Variants in RADIL observed in about 807,000 individuals in gnomAD.
RADIL encodes the protein ras-associating and dilute domain-containing protein.
Under a neutral mutation model 97.6 loss-of-function variants are expected in RADIL, and 99 were observed. The ratio of observed to expected loss-of-function variants is 1.01; its 90% confidence interval spans 0.86 to 1.20. RADIL has a LOEUF of 1.20. RADIL is among the 50% of genes most tolerant of loss of function. The probability of loss-of-function intolerance (pLI) is 0.00; values close to 1 mark genes in which losing one functional copy is unlikely to be tolerated. For synonymous variants in RADIL, 803 were observed against 691.8 expected (o/e 1.16, Z -2.52); for missense variants, 1,765 against 1,498.9 (o/e 1.18, Z -2.93).
Position 4,878,171 on chromosome 7 carries a change from G to A in RADIL, c.-32C>T. 1 of 1,494,992 alleles carries A rather than the reference G, an allele frequency of 6.7e-7. No individual in the cohort carries two copies. The highest frequency in any genetic ancestry group is 2.5e-5 in the East Asian group (1 of 40,684). 92.6% of individuals were successfully genotyped at this position (1,494,992 alleles called of 1,614,324 possible). A position where few individuals can be genotyped will look rare whatever the true frequency, so the allele number is the denominator to read the frequency against. The stretch of plus-strand genomic sequence containing the variant: ...TGAGGCTTCATGGATGAGGACTGTG[G>A]GCTTCAGCCAAAGGATGTGGGGAGG... On this transcript the variant is annotated 5_prime_UTR_variant, in exon 2 of 15. Coordinates refer to ENST00000399583, the MANE Select transcript of RADIL (RefSeq NM_018059.5). This position sits in a 1 kb window ranked among gnomAD's most constrained non-coding sequence, Gnocchi z 4.1.
rs1351663577 is a variant in RADIL at position 4,818,854 on chromosome 7, G to C, written c.1616-1503C>G. 2.6e-5 allele frequency among the ~76,000 whole-genome samples: 4 copies of C among 152,118 alleles called. No homozygotes were observed. The highest frequency in any genetic ancestry group is 5.9e-5 in the Non-Finnish European group (4 of 68,022). ...ATGACAGGAGAAGGTGGCAGGGACT[G>C]TGCTGAATGAAACCACAAAGCAGCC... On this transcript the variant is annotated intron_variant, in intron 6 of 14. Transcript: ENST00000399583. The surrounding 1 kb of genome is among the most constrained non-coding windows in gnomAD (Gnocchi z 7.1).
chr7:4,822,686 GC>G lies in RADIL; in HGVS notation c.1455-133del. The G allele has an allele frequency of 9.5e-7, 1 of 1,056,476 alleles. No homozygotes were observed. The highest frequency in any genetic ancestry group is 1.3e-6 in the Non-Finnish European group (1 of 743,666). 65.4% of individuals were successfully genotyped at this position (1,056,476 alleles called of 1,614,324 possible). On this transcript the variant is annotated intron_variant, in intron 5 of 14. Coordinates refer to ENST00000399583, the MANE Select transcript of RADIL (RefSeq NM_018059.5). This position sits in a 1 kb window ranked among gnomAD's most constrained non-coding sequence, Gnocchi z 5.3. The stretch of plus-strand genomic sequence containing the variant: ...CAACTGCAACCATCAACCTGACACT[GC>G]TGGGCGGGGACGTTTAACAATACGT...
At chr7:4,874,727 C>T (rs11973654) in intron 2 of RADIL, among the ~76,000 whole-genome samples, 70,370 of 150,204 alleles carry the variant, frequency 0.47, 19,209 homozygotes, top group African/African-American at 0.77. Context: ...TGCTTTCGCT[C>T]GCCCTGAATA....
chr7:4,879,827 C>T lies in RADIL; in HGVS notation c.-64-1624G>A, dbSNP rs1005875787. Among the ~76,000 whole-genome samples the T allele has an allele frequency of 6.6e-6, 1 of 152,256 alleles. No individual in the cohort carries two copies. The highest frequency in any genetic ancestry group is 6.5e-5 in the Admixed American group (1 of 15,288). On this transcript the variant is annotated intron_variant, in intron 1 of 14. Transcript: ENST00000399583. This position sits in a 1 kb window ranked among gnomAD's most constrained non-coding sequence, Gnocchi z 4.1. ...TGGCCTCTTTCTAATATCACCGGGG[C>T]GTGGGTCATCTTCTCTGGAGCCTCT...
At chr7:4,875,944 G>A (rs1278854472) in intron 2 of RADIL, among the ~76,000 whole-genome samples, 1 of 152,082 alleles carries the variant, frequency 6.6e-6, no homozygotes, top group Non-Finnish European at 1.5e-5. Context: ...GCAATTGGGG[G>A]TGCTTGTCTG....
Position 4,799,772 on chromosome 7 carries a change from G to A in RADIL, c.2983-3C>T. The A allele has an allele frequency of 2.0e-6, 3 of 1,522,822 alleles. No individual in the cohort carries two copies. In the South Asian group the frequency reaches 3.7e-5, roughly 19 times the overall value. The allele number at this position is 1,522,822 out of a possible 1,614,324, so 94.3% of individuals were successfully genotyped here. On this transcript the variant is annotated splice_region_variant and splice_polypyrimidine_tract_variant and intron_variant, in intron 13 of 14. Transcript: ENST00000399583. Reference sequence around the variant, plus strand: ...CCGGGGGCGCCCAGGTGCGTGTGCTGGGGACAAGCAGAGGCCTCAGAGCTC... The same window carrying A: ...CCGGGGGCGCCCAGGTGCGTGTGCTAGGGACAAGCAGAGGCCTCAGAGCTC...
intron 9 of RADIL, chr7:4,808,461 G>A (rs1437993397): frequency 4.4e-6 from 2 of 454,026 alleles, no homozygotes; most frequent in Non-Finnish European, 5.8e-6. Flanking sequence ...ATCAAACTAG[G>A]GCCAGCGAGG....
Position 4,799,383 on chromosome 7 carries a change from G to C in RADIL, c.3223C>G (p.Leu1075Val). ...AKKIHFRTPP[L>V] ...GGGGTGTCCTCGCAGCCCCCCTAGA[G>C]AGGGGGCGTGCGGAAATGGATCTTC... Residue 1075 changes from leucine to valine, a missense_variant, in exon 15 of 15, where the codon CTC becomes GTC. Transcript: ENST00000399583. 6.2e-7 allele frequency: 1 copy of C among 1,613,294 alleles called. No homozygotes were observed. Among genetic ancestry groups the C allele is most frequent in the Admixed American group, 1.7e-5 (1 of 60,018 alleles).
chr7:4,820,132 C>T (rs965608785), intron 6 of RADIL, among the ~76,000 whole-genome samples: 2 of 152,256 alleles, frequency 1.3e-5, no homozygotes, highest in African/African-American at 2.4e-5. Context: ...AAGCTGGCCC[C>T]GTCCCCCTGT....
chr7:4,861,495 A>C, intron 2 of RADIL: 1 of 1,614,084 alleles, frequency 6.2e-7, no homozygotes. Flanking sequence ...TGTACTCCTA[A>C]TCTGTAAGAG....
At chr7:4,812,785 C>T (rs1013145692) in intron 9 of RADIL, among the ~76,000 whole-genome samples, 1 of 152,212 alleles carries the variant, frequency 6.6e-6, no homozygotes, top group Non-Finnish European at 1.5e-5. Context: ...CTGTTTGCTT[C>T]CTAGTTCACT....
rs924579548 is a variant in RADIL, at chr7:4,815,998, C to T, written c.1966+230G>A. Among the ~76,000 whole-genome samples, 2 of 152,178 alleles carry T rather than the reference C, an allele frequency of 1.3e-5. No individual in the cohort carries two copies. The highest frequency in any genetic ancestry group is 2.9e-5 in the Non-Finnish European group (2 of 68,036). On this transcript the variant is annotated intron_variant, in intron 8 of 14. Transcript: ENST00000399583. This position sits in a 1 kb window ranked among gnomAD's most constrained non-coding sequence, Gnocchi z 8.0. ...GGGAAGGGGTCCCATGCAGACCTCTCGGCCGTGGCTTCTCTGAAACCCCGA... is the reference window on the plus strand; with the variant it reads ...GGGAAGGGGTCCCATGCAGACCTCTTGGCCGTGGCTTCTCTGAAACCCCGA...
intron 2 of RADIL, among the ~76,000 whole-genome samples, chr7:4,877,041 G>A (rs183080962): frequency 1.2e-3 from 176 of 152,282 alleles, no homozygotes; most frequent in African/African-American, 4.0e-3. Flanking sequence ...CTGGAGAGCT[G>A]GACAATAATC....
chr7:4,812,966 T>C (rs957051881), intron 9 of RADIL, among the ~76,000 whole-genome samples: 5 of 152,234 alleles, frequency 3.3e-5, no homozygotes, highest in Admixed American at 2.0e-4. Flanking sequence ...CAGGTTTGGA[T>C]ATTTTGTATC....
rs1340602439 is a variant in RADIL, at chr7:4,836,555, G to C, written c.586C>G (p.Pro196Ala). The C allele has an allele frequency of 6.2e-7, 1 of 1,607,794 alleles. No homozygotes were observed. Among genetic ancestry groups the C allele is most frequent in the African/African-American group, 1.3e-5 (1 of 74,856 alleles). ...RLQRSRAKGTPTPALGDARSS... is the reference protein window; with the variant it reads ...RLQRSRAKGTATPALGDARSS... ...CGGGCATCCCCCAGGGCCGGGGTCG[G>C]GGTTCCCTTCGCGCGACTCCGCTGC... The change falls in exon 3 of 15, where the codon CCG (proline) becomes GCG (alanine). Residue 196 changes from proline (P) to alanine (A), a missense_variant. Physicochemically the swap from Pro to Ala is conservative, Grantham distance 27. Coordinates refer to ENST00000399583, the MANE Select transcript of RADIL (RefSeq NM_018059.5).
intron 4 of RADIL, among the ~76,000 whole-genome samples, chr7:4,832,413 A>G (rs1305533130): frequency 6.6e-6 from 1 of 152,002 alleles, no homozygotes. Flanking sequence ...GTATCTCACA[A>G]CTCTCTAGCT....
At position 4,834,793 on chromosome 7, in the gene RADIL, C is replaced by T. The variant is rs754389180; in HGVS notation, c.1230G>A (p.Glu410=). The T allele has an allele frequency of 1.6e-4, 211 of 1,348,830 alleles. 1 individual carries two copies. The highest frequency in any genetic ancestry group is 2.0e-4 in the Non-Finnish European group (206 of 1,045,306). The allele number at this position is 1,348,830 out of a possible 1,614,324, so 83.6% of individuals were successfully genotyped here. The stretch of plus-strand genomic sequence containing the variant: ...GCAGCAGCGTGTCCTCCAGGTGGGG[C>T]TCAAACTCCAGGAGCAGCTGCTGGC... ...PRRQQLLLEF[E]PHLEDTLLQR... Residue 410 remains glutamate (E), a synonymous_variant, in exon 4 of 15, where the codon GAG becomes GAA. Transcript: ENST00000399583. The surrounding 1 kb of genome is among the most constrained non-coding windows in gnomAD (Gnocchi z 6.0).
chr7:4,873,406 C>T lies in RADIL; in HGVS notation c.535+4199G>A, dbSNP rs963990800. On this transcript the variant is annotated intron_variant, in intron 2 of 14. Coordinates refer to ENST00000399583, the MANE Select transcript of RADIL (RefSeq NM_018059.5). This position sits in a 1 kb window ranked among gnomAD's most constrained non-coding sequence, Gnocchi z 4.3. ...GTCACACGTGCACATCACATCACCA[C>T]ATGCACAGGCCAGGGGTCCCTTCCC... Among the ~76,000 whole-genome samples, 3 of 152,240 alleles carry T rather than the reference C, an allele frequency of 2.0e-5. No homozygotes were observed. Among genetic ancestry groups the T allele is most frequent in the African/African-American group, 7.2e-5 (3 of 41,472 alleles).
At chr7:4,841,908 T>C (rs1783449186) in intron 2 of RADIL, among the ~76,000 whole-genome samples, 1 of 151,912 alleles carries the variant, frequency 6.6e-6, no homozygotes, top group Non-Finnish European at 1.5e-5. Flanking sequence ...ATACAAAAAT[T>C]AGCTGGGTGT....
Sources: gnomAD v4.1 joint callset for allele counts (sites outside exome capture counted in the v4.1 genomes callset) on GRCh38, gnomAD v4.1.1 for gene constraint, Gnocchi (gnomAD v3.1) non-coding constraint, MANE v1.5 for transcripts, NCBI Gene and HGNC (gene_info 2026-07-23, HGNC 2026-07-21) for gene names.